MID1: variants seen among roughly 807,000 people sequenced by gnomAD.
The protein encoded by MID1 is midline 1.
A neutral mutation model predicts 40.4 loss-of-function variants in MID1; 7 were observed. The observed-to-expected ratio is 0.17, with a 90% CI of 0.10 to 0.33. MID1 has a LOEUF of 0.33. MID1 is among the 10% of genes least tolerant of loss of function. The pLI is 1.00. For synonymous variants in MID1, 229 were observed against 221.2 expected (o/e 1.04, Z -0.31); for missense variants, 367 against 558.5 (o/e 0.66, Z 3.46).
At chrX:10,544,774 G>C (rs1441815612) in intron 2 of MID1, among the ~76,000 whole-genome samples, 1 of 111,690 alleles carries the variant, frequency 9.0e-6, no homozygotes, top group African/African-American at 3.3e-5. Context: ...CCAATTATAG[G>C]GAGATTTATA....
chrX:10,749,234 A>G (rs970831801), intron 1 of MID1, among the ~76,000 whole-genome samples: 3 of 110,577 alleles, frequency 2.7e-5, no homozygotes, highest in African/African-American at 9.9e-5. Context: ...AGAGTAAGGC[A>G]CAAATGGGCC....
At chrX:10,730,776 G>A (rs1470505881) in intron 1 of MID1, among the ~76,000 whole-genome samples, 2 of 109,505 alleles carry the variant, frequency 1.8e-5, no homozygotes, top group Admixed American at 9.8e-5. Context: ...GGGTTTCACC[G>A]TATTAGCCAG....
At chrX:10,571,345 T>C (rs919293239) in intron 1 of MID1, among the ~76,000 whole-genome samples, 2 of 112,149 alleles carry the variant, frequency 1.8e-5, no homozygotes, top group Non-Finnish European at 3.8e-5. Context: ...GATTTTACAA[T>C]GGCATAGATA....
chrX:10,675,288 G>C (rs1374533049), intron 1 of MID1, among the ~76,000 whole-genome samples: 2 of 112,390 alleles, frequency 1.8e-5, no homozygotes, highest in Non-Finnish European at 3.8e-5. Context: ...AATGCTTCTA[G>C]TTTTATTTTA....
rs369072058 is a variant in MID1 at position 10,730,811 on chromosome X, T to C, written c.-187+102743A>G. Among the ~76,000 whole-genome samples, 83 of 110,779 alleles carry C rather than the reference T, an allele frequency of 7.5e-4. 1 individual carries two copies. The highest frequency in any genetic ancestry group is 2.7e-3 in the African/African-American group (81 of 30,515). ...GGATGGTCTCGATCTCCTGACCTCA[T>C]GATCCGCCCACGTCGGCCTCCCAAA... is the stretch of plus-strand genomic sequence containing the variant. On this transcript the variant is annotated intron_variant, in intron 1 of 10. Transcript: ENST00000380785.
chrX:10,700,914 T>C (rs1368523024), intron 1 of MID1, among the ~76,000 whole-genome samples: 1 of 112,294 alleles, frequency 8.9e-6, no homozygotes, highest in East Asian at 2.8e-4. Flanking sequence ...TGTTGAATTA[T>C]GAAGACAAAA....
intron 1 of MID1, among the ~76,000 whole-genome samples, chrX:10,736,222 G>A (rs984862519): frequency 6.4e-5 from 7 of 109,332 alleles, no homozygotes; most frequent in South Asian, 3.9e-4. Flanking sequence ...CTCGTGATCC[G>A]CCCGCCTCGG....
At chrX:10,761,140 AAGG>A (rs1310351992) in intron 1 of MID1, among the ~76,000 whole-genome samples, 1 of 111,582 alleles carries the variant, frequency 9.0e-6, no homozygotes, top group African/African-American at 3.3e-5. Context: ...AACAGACAGC[AAGG>A]AGATGATTCC....
chrX:10,695,917 G>A (rs954974033), intron 1 of MID1, among the ~76,000 whole-genome samples: 1 of 111,684 alleles, frequency 9.0e-6, no homozygotes, highest in Admixed American at 9.5e-5. Context: ...TATTGATTAT[G>A]TTATAGTAGG....
intron 1 of MID1, among the ~76,000 whole-genome samples, chrX:10,688,528 C>T (rs755774470): frequency 8.9e-6 from 1 of 111,953 alleles, no homozygotes; most frequent in South Asian, 3.8e-4. Flanking sequence ...CCTAGACCAT[C>T]CTTCCATATT....
chrX:10,641,319 A>T (rs1317018336), intron 1 of MID1, among the ~76,000 whole-genome samples: 1 of 112,033 alleles, frequency 8.9e-6, no homozygotes, highest in African/African-American at 3.2e-5. Flanking sequence ...TAGACACAAT[A>T]AAAAATGATA....
At chrX:10,760,828 AAAAAC>A (rs958282202) in intron 1 of MID1, among the ~76,000 whole-genome samples, 1 of 111,575 alleles carries the variant, frequency 9.0e-6, no homozygotes, top group African/African-American at 3.3e-5. Flanking sequence ...CCCTGCCTCT[AAAAAC>A]AAAACAAAAC....
At chrX:10,697,096 T>TTA (rs1433355041) in intron 1 of MID1, among the ~76,000 whole-genome samples, 14 of 112,075 alleles carry the variant, frequency 1.2e-4, no homozygotes, top group African/African-American at 4.5e-4. Context: ...TTTCTCCCAC[T>TTA]TATGAAAAAG....
In MID1 at chrX:10,650,917, A is replaced by G. The variant is rs890541194; in HGVS notation, c.-186-30498T>C. On this transcript the variant is annotated intron_variant, in intron 1 of 10. Coordinates refer to the MID1 transcript ENST00000380785. Reference sequence around the variant, plus strand: ...GTTCTTGAACACATCCAGGGACAGAAAACTCATTCTCTCCCTTGCAATCCC... The same window carrying G: ...GTTCTTGAACACATCCAGGGACAGAGAACTCATTCTCTCCCTTGCAATCCC... Among the ~76,000 whole-genome samples, 3 of 111,630 alleles carry G rather than the reference A, an allele frequency of 2.7e-5. No homozygotes were observed. The East Asian group carries it at 8.5e-4, about 32-fold the overall frequency.
intron 1 of MID1, among the ~76,000 whole-genome samples, chrX:10,599,785 A>G (rs1383729146): frequency 8.9e-6 from 1 of 112,484 alleles, no homozygotes; most frequent in East Asian, 2.8e-4. Flanking sequence ...CCAATTTTTC[A>G]GAGGCTGTAG....
At chrX:10,611,966 G>A (rs746474451) in intron 1 of MID1, among the ~76,000 whole-genome samples, 1 of 111,656 alleles carries the variant, frequency 9.0e-6, no homozygotes, top group Non-Finnish European at 1.9e-5. Flanking sequence ...TACCATGTAG[G>A]CTGTGTCTGC....
chrX:10,585,289 C>G (rs1935114957), intron 1 of MID1, among the ~76,000 whole-genome samples: 1 of 111,016 alleles, frequency 9.0e-6, no homozygotes, highest in Non-Finnish European at 1.9e-5. Flanking sequence ...TCTCATTTCC[C>G]CCCTTTGAGA....
intron 1 of MID1, among the ~76,000 whole-genome samples, chrX:10,658,372 A>G (rs992401315): frequency 9.2e-5 from 8 of 86,531 alleles, no homozygotes; most frequent in Non-Finnish European, 1.7e-4. Context: ...AAATTTCCCC[A>G]TTGTTGAGCA....
chrX:10,786,066 C>T (rs1412032578), intron 1 of MID1, among the ~76,000 whole-genome samples: 13 of 111,689 alleles, frequency 1.2e-4, no homozygotes, highest in African/African-American at 4.2e-4. Flanking sequence ...GCAATCTACT[C>T]ACCTGACAAA....
Sources: gnomAD v4.1 joint callset for allele counts (sites outside exome capture counted in the v4.1 genomes callset) on GRCh38, gnomAD v4.1.1 for gene constraint, MANE v1.5 for transcripts, NCBI Gene and HGNC (gene_info 2026-07-23, HGNC 2026-07-21) for gene names.